DDC: variants seen among roughly 807,000 people sequenced by gnomAD.
DDC encodes the protein dopa decarboxylase.
DDC carries 43 observed loss-of-function variants against 60.0 expected under a neutral mutation model. The ratio of observed to expected loss-of-function variants is 0.72; its 90% CI spans 0.56 to 0.92. The LOEUF is 0.92. Among genes scored for constraint, DDC ranks in the 40% least tolerant of loss-of-function variants. The probability of loss-of-function intolerance (pLI) is 0.00; values close to 1 mark genes in which losing one functional copy is unlikely to be tolerated. For missense variants in DDC, 573 were observed against 620.2 expected, an observed-to-expected ratio of 0.92 and a Z score of 0.81; for synonymous variants, 232 against 234.6, an observed-to-expected ratio of 0.99 and a Z score of 0.10.
In DDC at chr7:50,513,662, C is replaced by T. The variant is rs182625126; in HGVS notation, c.715-9603G>A. 3.7e-4 allele frequency among the ~76,000 whole-genome samples: 56 copies of T among 152,156 alleles called. No individual in the cohort carries two copies. The East Asian group carries it at 9.5e-3, about 26-fold the overall frequency. ...CACGGTGGGAGGGAGACAGGCCCTT[C>T]GGTTTGTGTGGGAGCTGGGTGAGGG... On this transcript the variant is annotated intron_variant, in intron 6 of 14. Transcript: ENST00000444124.
intron 10 of DDC, 72 bp downstream of exon 10, chr7:50,479,715 C>T: frequency 1.5e-6 from 2 of 1,322,392 alleles, no homozygotes; most frequent in East Asian, 4.6e-5. Context: ...CCCTAACTCC[C>T]AGGGACCTCC....
chr7:50,527,586 A>G (rs1265357844), intron 6 of DDC: 1 of 155,596 alleles, frequency 6.4e-6, no homozygotes, highest in Non-Finnish European at 1.4e-5. Flanking sequence ...GGAGCTAGGG[A>G]TAAGGCAGGG....
chr7:50,507,632 A>G (rs2043437996), intron 6 of DDC, among the ~76,000 whole-genome samples: 1 of 152,242 alleles, frequency 6.6e-6, no homozygotes, highest in Non-Finnish European at 1.5e-5. Context: ...GATGTTCACC[A>G]AACAGTAATA....
intron 1 of DDC, among the ~76,000 whole-genome samples, chr7:50,547,970 A>G (rs2044861206): frequency 6.6e-6 from 1 of 152,254 alleles, no homozygotes; most frequent in Admixed American, 6.5e-5. Context: ...ACTCTGTGTT[A>G]CATTTCAGAA....
At chr7:50,541,636 G>C (rs775432337) in intron 2 of DDC, among the ~76,000 whole-genome samples, 1 of 152,168 alleles carries the variant, frequency 6.6e-6, no homozygotes, top group East Asian at 1.9e-4. Context: ...ACCAGGAAGA[G>C]AGCCCTCACC....
chr7:50,487,295 C>T (rs942020134), intron 9 of DDC, among the ~76,000 whole-genome samples: 2 of 151,996 alleles, frequency 1.3e-5, no homozygotes, highest in Non-Finnish European at 2.9e-5. Context: ...TCAAAACTGT[C>T]CCCAGTAATT....
intron 6 of DDC, among the ~76,000 whole-genome samples, chr7:50,522,799 C>A (rs1198874311): frequency 6.6e-6 from 1 of 152,136 alleles, no homozygotes; most frequent in African/African-American, 2.4e-5. Flanking sequence ...ACTATTGGTT[C>A]ATAGTTCCAC....
intron 9 of DDC, among the ~76,000 whole-genome samples, chr7:50,481,885 T>C (rs1293035703): frequency 6.6e-6 from 1 of 152,258 alleles, no homozygotes. Context: ...AATAGACCTA[T>C]GAGTTTCACA....
chr7:50,489,301 G>A lies in DDC; in HGVS notation c.944+6049C>T, dbSNP rs143842417. Among the ~76,000 whole-genome samples, 543 of 152,116 alleles carry A rather than the reference G, an allele frequency of 3.6e-3. 4 individuals are homozygous for A. The highest frequency in any genetic ancestry group is 0.01 in the Middle Eastern group (3 of 294). ...GGATTACAGGCATGAGCCACCACAC[G>A]CAGCCTAAAGCAAATGCTTTCTTCC... On this transcript the variant is annotated intron_variant, in intron 9 of 14. Transcript: ENST00000444124.
At chr7:50,513,418 AG>A (rs966844860) in intron 6 of DDC, among the ~76,000 whole-genome samples, 10 of 152,206 alleles carry the variant, frequency 6.6e-5, no homozygotes, top group African/African-American at 2.4e-4. Flanking sequence ...AAAACTTCAC[AG>A]GGAGAAGGAA....
At chr7:50,481,620 CTT>C (rs1176489387) in intron 9 of DDC, among the ~76,000 whole-genome samples, 5 of 152,292 alleles carry the variant, frequency 3.3e-5, no homozygotes, top group African/African-American at 9.6e-5. Context: ...TGAAATAAAA[CTT>C]AAATTATAAG....
intron 4 of DDC, among the ~76,000 whole-genome samples, chr7:50,532,347 C>A (rs190868376): frequency 8.5e-5 from 13 of 152,258 alleles, no homozygotes; most frequent in South Asian, 2.1e-4. Context: ...ATATTCCTAC[C>A]CAAATGCTAA....
chr7:50,470,501 G>A (rs376779673), intron 11 of DDC, among the ~76,000 whole-genome samples: 1 of 152,234 alleles, frequency 6.6e-6, no homozygotes, highest in African/African-American at 2.4e-5. Flanking sequence ...GAGCAAACAG[G>A]GAAGACACGG....
At position 50,514,857 on chromosome 7, in the gene DDC, A is replaced by C. The variant is rs111549666; in HGVS notation, c.715-10798T>G. Among the ~76,000 whole-genome samples the C allele has an allele frequency of 9.8e-3, 1,493 of 152,310 alleles. 24 individuals are homozygous for C. Among genetic ancestry groups the C allele is most frequent in the African/African-American group, 0.034 (1,424 of 41,562 alleles). On this transcript the variant is annotated intron_variant, in intron 6 of 14. Transcript: ENST00000444124. ...GAAGACAAGGTCTTTGAATTAACGC[A>C]ATCCAACAAAGATAAAGAAAAAAGA...
chr7:50,528,268 C>T lies in DDC; in HGVS notation c.583G>A (p.Val195Met), dbSNP rs778052047. Residue 195 changes from valine to methionine, a missense_variant, in exon 6 of 15, where the codon GTG becomes ATG. By Grantham distance (21) the Val-to-Met change is conservative. Coordinates refer to ENST00000444124, the MANE Select transcript of DDC (RefSeq NM_001082971.2). ...AYSSDQAHSS[V>M]ERAGLIGGVK... ...CCACCAATTAACCCAGCTCTTTCCA[C>T]TGAGGAGTGTGCCTGGAAAGAAGAC... 1 of 1,614,140 alleles carries T rather than the reference C, an allele frequency of 6.2e-7. No homozygotes were observed. Among genetic ancestry groups the T allele is most frequent in the East Asian group, 2.2e-5 (1 of 44,868 alleles).
intron 6 of DDC, among the ~76,000 whole-genome samples, chr7:50,525,842 C>T (rs1344281308): frequency 6.6e-6 from 1 of 151,196 alleles, no homozygotes; most frequent in African/African-American, 2.4e-5. Context: ...ATCAGCTAGG[C>T]ATAGCTAAAG....
At chr7:50,494,962 C>T (rs2043096141) in intron 9 of DDC, among the ~76,000 whole-genome samples, 1 of 152,156 alleles carries the variant, frequency 6.6e-6, no homozygotes, top group South Asian at 2.1e-4. Flanking sequence ...TGTGCCCGGC[C>T]TTAGCAAATA....
At chr7:50,468,899 A>G (rs11575504) in intron 12 of DDC, among the ~76,000 whole-genome samples, 7,805 of 148,266 alleles carry the variant, frequency 0.053, 473 homozygotes, top group African/African-American at 0.15. Flanking sequence ...CTCTAGGCAG[A>G]TCCAGGCTCA....
intron 4 of DDC, among the ~76,000 whole-genome samples, chr7:50,529,771 G>T (rs1274823302): frequency 6.6e-6 from 1 of 152,136 alleles, no homozygotes; most frequent in African/African-American, 2.4e-5. Context: ...AAATAGGGGT[G>T]CATTTTCCTT....
Sources: allele counts gnomAD v4.1 joint callset (sites outside exome capture counted in the v4.1 genomes callset), GRCh38; gene constraint gnomAD v4.1.1; transcripts MANE v1.5; gene names NCBI Gene and HGNC (gene_info 2026-07-23, HGNC 2026-07-21).